Variants in PCNX2 observed in about 807,000 individuals in gnomAD.
The protein encoded by PCNX2 is pecanex-like protein 2.
In PCNX2, 168 loss-of-function variants were observed where a neutral mutation model predicts 223.8. The observed-to-expected ratio is 0.75, with a 90% CI of 0.66 to 0.85. The LOEUF (loss-of-function observed/expected upper bound fraction) is 0.85, where lower values mean the gene tolerates loss of function less well. Among genes scored for constraint, PCNX2 ranks in the 40% least tolerant of loss-of-function variants. The pLI is 0.00. For missense variants in PCNX2, 2,507 were observed against 2,675.5 expected (o/e 0.94, Z 1.39); for synonymous variants, 1,006 against 1,052.6 (o/e 0.96, Z 0.86).
intron 1 of PCNX2, among the ~76,000 whole-genome samples, chr1:233,270,334 T>C (rs1337277948): frequency 6.6e-6 from 1 of 152,232 alleles, no homozygotes; most frequent in Admixed American, 6.5e-5. Flanking sequence ...ACAAATTTAG[T>C]ATTTTATCAG....
At chr1:233,112,858 G>C in intron 21 of PCNX2, 2 of 1,287,274 alleles carry the variant, frequency 1.6e-6, no homozygotes, top group Non-Finnish European at 2.0e-6. Flanking sequence ...GAAGGCTGAA[G>C]GGCAGAGGAG....
the PCNX2 span, among the ~76,000 whole-genome samples, chr1:233,312,123 G>A: frequency 6.6e-6 from 1 of 151,906 alleles, no homozygotes; most frequent in African/African-American, 2.4e-5. Context: ...GCAAAACTCT[G>A]TCTCAAAATA....
At chr1:233,249,142 A>G (rs1659302864) in intron 8 of PCNX2, among the ~76,000 whole-genome samples, 1 of 152,172 alleles carries the variant, frequency 6.6e-6, no homozygotes, top group African/African-American at 2.4e-5. Flanking sequence ...GATACTATAA[A>G]TTTTCAGTTC....
intron 19 of PCNX2, among the ~76,000 whole-genome samples, chr1:233,149,173 T>C (rs187038578): frequency 6.6e-6 from 1 of 152,330 alleles, no homozygotes; most frequent in Admixed American, 6.5e-5. Flanking sequence ...CTCTGGAATA[T>C]TAGGTCCTTG....
the PCNX2 span, among the ~76,000 whole-genome samples, chr1:233,325,516 A>AAAAC: frequency 6.7e-6 from 1 of 149,294 alleles, no homozygotes; most frequent in African/African-American, 2.5e-5. Context: ...AAAAAAAAAA[A>AAAAC]CCAAAAAAAA....
intron 1 of PCNX2, among the ~76,000 whole-genome samples, chr1:233,269,024 T>C (rs535042681): frequency 3.3e-5 from 5 of 152,318 alleles, no homozygotes; most frequent in East Asian, 3.9e-4. Context: ...TCTCTATCAC[T>C]CTGGGGTCCA....
intron 32 of PCNX2, among the ~76,000 whole-genome samples, chr1:232,995,512 A>C (rs948544224): frequency 6.6e-6 from 1 of 152,296 alleles, no homozygotes; most frequent in African/African-American, 2.4e-5. Flanking sequence ...TAGATGCCCC[A>C]AAAATACAAA....
chr1:233,104,928 T>C (rs528600356), intron 21 of PCNX2, among the ~76,000 whole-genome samples: 3 of 152,236 alleles, frequency 2.0e-5, no homozygotes, highest in South Asian at 2.1e-4. Context: ...GAATAAATTA[T>C]AATGAAAATT....
chr1:233,128,140 T>C (rs181652224), intron 21 of PCNX2, among the ~76,000 whole-genome samples: 50 of 152,286 alleles, frequency 3.3e-4, no homozygotes, highest in African/African-American at 1.1e-3. Flanking sequence ...TACAACCTCA[T>C]ACATTAATTT....
intron 8 of PCNX2, among the ~76,000 whole-genome samples, chr1:233,245,236 C>A (rs955191431): frequency 1.3e-5 from 2 of 152,182 alleles, no homozygotes; most frequent in African/African-American, 4.8e-5. Flanking sequence ...TGTATGCAAT[C>A]TAGAAAAAGA....
chr1:233,322,403 A>G, the PCNX2 span, among the ~76,000 whole-genome samples: 1 of 152,152 alleles, frequency 6.6e-6, no homozygotes, highest in Non-Finnish European at 1.5e-5. Context: ...GCACCGAAGC[A>G]ACAAATGATA....
At chr1:233,101,675 C>G (rs1433094029) in intron 21 of PCNX2, among the ~76,000 whole-genome samples, 1 of 152,156 alleles carries the variant, frequency 6.6e-6, no homozygotes, top group Non-Finnish European at 1.5e-5. Context: ...ACTCCCCCAG[C>G]CCCTGTAACA....
chr1:233,202,422 AT>A (rs1681173625), intron 13 of PCNX2, among the ~76,000 whole-genome samples: 1 of 152,164 alleles, frequency 6.6e-6, no homozygotes, highest in African/African-American at 2.4e-5. Flanking sequence ...GCTTAAGCTT[AT>A]TTCTTTTATC....
Position 233,295,547 on chromosome 1 carries a change from C to A in PCNX2, c.-69G>T, listed in dbSNP as rs1662038803. On this transcript the variant is annotated 5_prime_UTR_variant, in exon 1 of 34. Coordinates refer to ENST00000258229, the MANE Select transcript of PCNX2 (RefSeq NM_014801.4). This position sits in a 1 kb window ranked among gnomAD's most constrained non-coding sequence, Gnocchi z 4.1. Reference sequence around the variant, plus strand: ...CGCGCCCCGGCCGGATCTCCAGGCTCCCTCAGGTCTAACACCCGGGCCCGC... The same window carrying A: ...CGCGCCCCGGCCGGATCTCCAGGCTACCTCAGGTCTAACACCCGGGCCCGC... 1 of 1,428,592 alleles carries A rather than the reference C, an allele frequency of 7.0e-7. No homozygotes were observed. The highest frequency in any genetic ancestry group is 1.5e-5 in the South Asian group (1 of 66,548). The allele number at this position is 1,428,592 out of a possible 1,614,324, so 88.5% of individuals were successfully genotyped here.
chr1:233,222,083 G>A (rs751208066), intron 10 of PCNX2, among the ~76,000 whole-genome samples: 1 of 152,156 alleles, frequency 6.6e-6, no homozygotes, highest in Non-Finnish European at 1.5e-5. Flanking sequence ...AATAGAACCA[G>A]GCGAGAGAAA....
chr1:233,163,613 C>A lies in PCNX2; in HGVS notation c.3274-2250G>T, dbSNP rs917412600. On this transcript the variant is annotated intron_variant, in intron 17 of 33. Transcript: ENST00000258229. ...TATAAATTATGGGACTATATATATC[C>A]CCATAAAACCATAACCAGAATTATG... Among the ~76,000 whole-genome samples the A allele has an allele frequency of 4.6e-4, 69 of 149,930 alleles. 2 individuals are homozygous for A. Among genetic ancestry groups the A allele is most frequent in the Non-Finnish European group, 8.9e-5 (6 of 67,374 alleles).
At chr1:233,044,041 C>T (rs1671740620) in intron 25 of PCNX2, among the ~76,000 whole-genome samples, 1 of 151,574 alleles carries the variant, frequency 6.6e-6, no homozygotes, top group Non-Finnish European at 1.5e-5. Flanking sequence ...AAAAGTGTTC[C>T]TATTTCTCCA....
chr1:233,225,843 A>G (rs1159997451), intron 10 of PCNX2, among the ~76,000 whole-genome samples: 1 of 152,238 alleles, frequency 6.6e-6, no homozygotes. Flanking sequence ...ATTTTTAGTT[A>G]AGTATTAAAT....
At chr1:233,277,807 T>C (rs1040314090) in intron 1 of PCNX2, among the ~76,000 whole-genome samples, 4 of 151,982 alleles carry the variant, frequency 2.6e-5, no homozygotes, top group Admixed American at 6.6e-5. Flanking sequence ...GCCTTGACTC[T>C]CCACAGGAGA....
Sources: gnomAD v4.1 joint callset for allele counts (sites outside exome capture counted in the v4.1 genomes callset) on GRCh38, gnomAD v4.1.1 for gene constraint, Gnocchi (gnomAD v3.1) non-coding constraint, MANE v1.5 for transcripts, NCBI Gene and HGNC (gene_info 2026-07-23, HGNC 2026-07-21) for gene names.